Variants in UGT1A7 observed in about 807,000 individuals in gnomAD.
UGT1A7 encodes UDP glucuronosyltransferase family 1 member A7.
In UGT1A7, 33 loss-of-function variants were observed where a neutral mutation model predicts 45.6. The ratio of observed to expected loss-of-function variants is 0.72; its 90% confidence interval spans 0.55 to 0.97. UGT1A7 has a LOEUF of 0.97. UGT1A7 is among the 50% of genes least tolerant of loss of function. The probability of loss-of-function intolerance (pLI) is 0.00; values close to 1 mark genes in which losing one functional copy is unlikely to be tolerated. For missense variants in UGT1A7, 684 were observed against 666.2 expected, an observed-to-expected ratio of 1.03 and a Z score of -0.29; for synonymous variants, 274 against 250.6, an observed-to-expected ratio of 1.09 and a Z score of -0.88.
chr2:233,754,185 C>T (rs1296616460), intron 1 of UGT1A7: 1 of 159,682 alleles, frequency 6.3e-6, no homozygotes, highest in Non-Finnish European at 1.4e-5. Flanking sequence ...GATTTCACCA[C>T]CACACAGTAA....
chr2:233,729,651 C>T (rs1188318703), intron 1 of UGT1A7: 5 of 1,613,894 alleles, frequency 3.1e-6, no homozygotes, highest in African/African-American at 2.7e-5. Context: ...TTTTGAGGAA[C>T]ATTCCATGTG....
rs6744979 is a variant in UGT1A7 at position 233,689,470 on chromosome 2, G to T, written c.855+6678G>T. ...AAGGATACATTTTAGGAAAACAGAA[G>T]TTACAAGAAGAAATCGCAAATCAAT... is the stretch of plus-strand genomic sequence containing the variant. On this transcript the variant is annotated intron_variant, in intron 1 of 4. Coordinates refer to ENST00000373426, the MANE Select transcript of UGT1A7 (RefSeq NM_019077.3). 1.6e-3 allele frequency among the ~76,000 whole-genome samples: 247 copies of T among 152,324 alleles called. 1 individual carries two copies. Among genetic ancestry groups the T allele is most frequent in the African/African-American group, 5.9e-3 (245 of 41,582 alleles).
chr2:233,687,478 T>C (rs1279776025), intron 1 of UGT1A7, among the ~76,000 whole-genome samples: 1 of 151,062 alleles, frequency 6.6e-6, no homozygotes, highest in African/African-American at 2.4e-5. Flanking sequence ...TTGGCAGACC[T>C]ATTTTTCAGA....
intron 1 of UGT1A7, among the ~76,000 whole-genome samples, chr2:233,700,085 G>T (rs537360588): frequency 2.8e-4 from 42 of 152,322 alleles, no homozygotes; most frequent in African/African-American, 9.4e-4. Context: ...AAGGCCCCCA[G>T]CCTGGAGGTG....
chr2:233,696,602 T>C (rs1304654610), intron 1 of UGT1A7, among the ~76,000 whole-genome samples: 1 of 136,470 alleles, frequency 7.3e-6, no homozygotes, highest in Non-Finnish European at 1.6e-5. Context: ...CCAACTTGGA[T>C]GCCCTTTCTT....
chr2:233,719,723 G>A, intron 1 of UGT1A7: 1 of 1,613,746 alleles, frequency 6.2e-7, no homozygotes, highest in Non-Finnish European at 8.5e-7. Context: ...CAATGTTCCA[G>A]GCAAAACACT....
chr2:233,720,427 G>C (rs2076857980), intron 1 of UGT1A7, among the ~76,000 whole-genome samples: 1 of 152,044 alleles, frequency 6.6e-6, no homozygotes, highest in Non-Finnish European at 1.5e-5. Context: ...GAGGAGATAA[G>C]ACCGTGAATC....
intron 1 of UGT1A7, among the ~76,000 whole-genome samples, chr2:233,720,012 A>G (rs1319235409): frequency 1.3e-5 from 2 of 152,206 alleles, no homozygotes; most frequent in East Asian, 1.9e-4. Context: ...GAACTGATCC[A>G]TCCTGGGGTT....
chr2:233,724,557 GAT>G (rs2077281527), intron 1 of UGT1A7, among the ~76,000 whole-genome samples: 1 of 126,690 alleles, frequency 7.9e-6, no homozygotes, highest in Non-Finnish European at 1.7e-5. Flanking sequence ...TCACATCCCA[GAT>G]GGGGCGGCGG....
At chr2:233,690,157 C>A (rs1178614520) in intron 1 of UGT1A7, among the ~76,000 whole-genome samples, 1 of 152,204 alleles carries the variant, frequency 6.6e-6, no homozygotes, top group Non-Finnish European at 1.5e-5. Context: ...GATTCATTGA[C>A]ATGTAGTTAT....
rs1051929356 is a variant in UGT1A7, at chr2:233,682,576, C to T, written c.639C>T (p.His213=). Residue 213 remains histidine, a synonymous_variant, in exon 1 of 5, where the codon CAC becomes CAT. Transcript: ENST00000373426. ...FKERVWNHIM[H]LEEHLFCPYF... ...AGAGAGTATGGAACCACATCATGCA[C>T]TTGGAGGAACATTTATTTTGCCCCT... The T allele has an allele frequency of 3.7e-6, 6 of 1,613,824 alleles. No homozygotes were observed. The African/African-American group carries it at 8.0e-5, about 22-fold the overall frequency.
intron 1 of UGT1A7, among the ~76,000 whole-genome samples, chr2:233,714,546 C>A (rs184179436): frequency 6.6e-6 from 1 of 152,158 alleles, no homozygotes; most frequent in East Asian, 1.9e-4. Flanking sequence ...ACCGAAGTGT[C>A]CAATAGAAAT....
At chr2:233,704,691 T>C (rs749758389) in intron 1 of UGT1A7, among the ~76,000 whole-genome samples, 31 of 152,224 alleles carry the variant, frequency 2.0e-4, no homozygotes, top group Non-Finnish European at 4.3e-4. Flanking sequence ...AGTTACCTTA[T>C]GGTATCATTT....
At chr2:233,754,611 T>C (rs562553027) in intron 1 of UGT1A7, 1 of 437,308 alleles carries the variant, frequency 2.3e-6, no homozygotes, top group Non-Finnish European at 4.6e-6. Context: ...CAACTCTCCA[T>C]CTTCCTCCAC....
At chr2:233,729,319 G>A in intron 1 of UGT1A7, 1 of 1,614,228 alleles carries the variant, frequency 6.2e-7, no homozygotes. Context: ...CACCCCAGAG[G>A]TGAATATGCA....
rs1472229025 is a variant in UGT1A7 at position 233,772,837 on chromosome 2, T to C, written c.*278T>C. ...CGTGCAGACAGGCTGGCATTCTAGA[T>C]TACTTTTCTTACTCTGAAACATGGC... is the stretch of plus-strand genomic sequence containing the variant. On this transcript the variant is annotated 3_prime_UTR_variant, in exon 5 of 5. Transcript: ENST00000373426. 1.2e-6 allele frequency: 1 copy of C among 832,170 alleles called. No homozygotes were observed. The highest frequency in any genetic ancestry group is 1.7e-6 in the Non-Finnish European group (1 of 590,342). The allele number at this position is 832,170 out of a possible 1,614,324, so 51.5% of individuals were successfully genotyped here.
chr2:233,725,194 A>G (rs1187550502), intron 1 of UGT1A7, among the ~76,000 whole-genome samples: 1 of 93,184 alleles, frequency 1.1e-5, no homozygotes. Context: ...GCAGAGGCAG[A>G]GGCAGAGGCA....
intron 1 of UGT1A7, among the ~76,000 whole-genome samples, chr2:233,745,477 A>G (rs1693119079): frequency 6.6e-6 from 1 of 151,704 alleles, no homozygotes; most frequent in African/African-American, 2.4e-5. Context: ...AAAATGATTA[A>G]CCAAAGAACA....
intron 1 of UGT1A7, among the ~76,000 whole-genome samples, chr2:233,683,236 G>C (rs979242984): frequency 6.6e-6 from 1 of 151,942 alleles, no homozygotes; most frequent in African/African-American, 2.4e-5. Context: ...CTACTATCAT[G>C]CTGGCTATGT....
Sources: gnomAD v4.1 joint callset for allele counts (sites outside exome capture counted in the v4.1 genomes callset) on GRCh38, gnomAD v4.1.1 for gene constraint, MANE v1.5 for transcripts, NCBI Gene and HGNC (gene_info 2026-07-23, HGNC 2026-07-21) for gene names.